Variants in NFU1 observed in about 807,000 individuals in gnomAD.
The protein encoded by NFU1 is NFU1 iron-sulfur cluster scaffold.
A neutral mutation model predicts 32.2 loss-of-function variants in NFU1; 30 were observed. The observed-to-expected ratio is 0.93, with a 90% CI of 0.70 to 1.26. The LOEUF (loss-of-function observed/expected upper bound fraction) is 1.26. Ranked by LOEUF, NFU1 falls within the 50% of genes most tolerant of loss-of-function variation. The pLI is 0.00. For synonymous variants in NFU1, 112 were observed against 104.6 expected (o/e 1.07, Z -0.43); for missense variants, 306 against 306.6 (o/e 1.00, Z 0.02).
At chr2:69,422,099 C>A (rs1673265531) in intron 3 of NFU1, among the ~76,000 whole-genome samples, 1 of 152,092 alleles carries the variant, frequency 6.6e-6, no homozygotes, top group African/African-American at 2.4e-5. Flanking sequence ...ATGCCAGCAT[C>A]ACTACTTTAA....
chr2:69,404,638 T>TTTTTTTTTTTTTTTAA (rs1672638399), intron 6 of NFU1, among the ~76,000 whole-genome samples: 1 of 135,730 alleles, frequency 7.4e-6, no homozygotes, highest in African/African-American at 3.1e-5. Context: ...TTTTTTTTTT[T>TTTTTTTTTTTTTTTAA]GAGAAAGAGT....
upstream of NFU1, among the ~76,000 whole-genome samples, chr2:69,438,002 A>G (rs1280524302): frequency 6.6e-6 from 1 of 152,180 alleles, no homozygotes; most frequent in Non-Finnish European, 1.5e-5. Flanking sequence ...CCCTTCTCCG[A>G]TTAACATGAG....
At chr2:69,403,729 T>C (rs1233794079) in intron 6 of NFU1, among the ~76,000 whole-genome samples, 1 of 152,106 alleles carries the variant, frequency 6.6e-6, no homozygotes, top group Non-Finnish European at 1.5e-5. Context: ...CTCCCTGTGC[T>C]TCAGGCTGAA....
At chr2:69,437,737 C>G (rs747618974), upstream of NFU1, 13 of 494,402 alleles carry the variant, frequency 2.6e-5, no homozygotes, top group Middle Eastern at 5.7e-4. Context: ...TGCTGCCTTG[C>G]GAATGCTGTT....
At chr2:69,414,580 T>A (rs1281026854) in intron 5 of NFU1, among the ~76,000 whole-genome samples, 2 of 132,304 alleles carry the variant, frequency 1.5e-5, no homozygotes, top group Non-Finnish European at 3.1e-5. Flanking sequence ...ATTGCGTCAC[T>A]GCACTCCAAC....
chr2:69,429,526 AT>A (rs1245320791), intron 2 of NFU1, among the ~76,000 whole-genome samples: 1 of 152,156 alleles, frequency 6.6e-6, no homozygotes, highest in Non-Finnish European at 1.5e-5. Context: ...AAAAAAAAAA[AT>A]CTGGCTTTAT....
At chr2:69,420,940 A>C (rs1339874709) in intron 3 of NFU1, among the ~76,000 whole-genome samples, 1 of 152,140 alleles carries the variant, frequency 6.6e-6, no homozygotes, top group Non-Finnish European at 1.5e-5. Flanking sequence ...AGTACGAAAA[A>C]CAGCCTGTAA....
intron 5 of NFU1, among the ~76,000 whole-genome samples, chr2:69,412,053 A>T (rs1223909451): frequency 6.6e-6 from 1 of 152,106 alleles, no homozygotes; most frequent in Non-Finnish European, 1.5e-5. Context: ...CTCCACAAAA[A>T]AAAATTTTTT....
chr2:69,434,973 G>A (rs1454537614), intron 1 of NFU1, among the ~76,000 whole-genome samples: 1 of 152,206 alleles, frequency 6.6e-6, no homozygotes, highest in South Asian at 2.1e-4. Flanking sequence ...CACAGGACCA[G>A]TCAGAAATGC....
At chr2:69,415,425 G>C (rs1032144120) in intron 4 of NFU1, 126 bp from the exon 5 acceptor site, 6 of 659,810 alleles carry the variant, frequency 9.1e-6, no homozygotes, top group South Asian at 5.1e-5. Flanking sequence ...GCCCAGGCTG[G>C]ATGGAGTACA....
At chr2:69,421,824 A>T (rs527560719) in intron 3 of NFU1, among the ~76,000 whole-genome samples, 1 of 151,706 alleles carries the variant, frequency 6.6e-6, no homozygotes, top group Admixed American at 6.6e-5. Flanking sequence ...GGCCTCCCAA[A>T]GTGCTGGGAT....
chr2:69,435,109 C>G (rs73934934), intron 1 of NFU1, among the ~76,000 whole-genome samples: 3,445 of 152,322 alleles, frequency 0.023, 137 homozygotes, highest in African/African-American at 0.077. Context: ...TACACCTTAG[C>G]AGAATTCAGG....
intron 4 of NFU1, among the ~76,000 whole-genome samples, chr2:69,417,153 G>C (rs1673082081): frequency 1.3e-5 from 2 of 151,814 alleles, no homozygotes; most frequent in African/African-American, 4.8e-5. Flanking sequence ...GAGAAAAAAA[G>C]GGCAGCATAT....
chr2:69,406,899 T>C (rs946748805), intron 5 of NFU1, among the ~76,000 whole-genome samples: 1 of 152,210 alleles, frequency 6.6e-6, no homozygotes, highest in African/African-American at 2.4e-5. Context: ...GTTACCCTCA[T>C]GCTGTTCTCG....
intron 2 of NFU1, among the ~76,000 whole-genome samples, chr2:69,431,633 T>C (rs1293586071): frequency 1.3e-5 from 2 of 152,206 alleles, no homozygotes; most frequent in African/African-American, 2.4e-5. Context: ...AGTATTTTCA[T>C]TTTGGAAATC....
At chr2:69,423,245 T>TGTGA (rs1673319065) in intron 3 of NFU1, among the ~76,000 whole-genome samples, 1 of 9,182 alleles carries the variant, frequency 1.1e-4, no homozygotes. Flanking sequence ...TCTGTGTGAG[T>TGTGA]GTGTGTGTGT....
intron 1 of NFU1, among the ~76,000 whole-genome samples, chr2:69,434,082 C>A (rs189852563): frequency 2.0e-5 from 3 of 151,954 alleles, no homozygotes; most frequent in Non-Finnish European, 4.4e-5. Context: ...CATGCCCTGC[C>A]TTTTATATGC....
chr2:69,402,932 C>T (rs943917183), intron 6 of NFU1, among the ~76,000 whole-genome samples: 14 of 151,610 alleles, frequency 9.2e-5, no homozygotes, highest in African/African-American at 3.4e-4. Context: ...AAATTGCCTA[C>T]CCGAAGGTCA....
At chr2:69,430,010 C>A in intron 2 of NFU1, 1 of 326,932 alleles carries the variant, frequency 3.1e-6, no homozygotes, top group Non-Finnish European at 6.1e-6. Context: ...GCCTGGGCAA[C>A]ATAGTGAGAC....
Sources: gnomAD v4.1 joint callset for allele counts (sites outside exome capture counted in the v4.1 genomes callset) on GRCh38, gnomAD v4.1.1 for gene constraint, MANE v1.5 for transcripts, NCBI Gene and HGNC (gene_info 2026-07-23, HGNC 2026-07-21) for gene names.